The following PRICKLE2 variants were observed in gnomAD, a reference collection of about 807,000 sequenced individuals.
PRICKLE2 encodes prickle planar cell polarity protein 2, also known as prickle-like protein 2.
A neutral mutation model predicts 81.4 loss-of-function variants in PRICKLE2; 21 were observed. The ratio of observed to expected loss-of-function variants is 0.26; its 90% CI spans 0.18 to 0.37. PRICKLE2 has a LOEUF of 0.37. Ranked by LOEUF, PRICKLE2 falls within the 10% of genes least tolerant of loss-of-function variation. PRICKLE2 has a pLI of 1.00. For missense variants in PRICKLE2, 940 were observed against 1,109.0 expected, an observed-to-expected ratio of 0.85 and a Z score of 2.16; for synonymous variants, 456 against 421.5, an observed-to-expected ratio of 1.08 and a Z score of -1.00.
At position 64,146,935 on chromosome 3, in the gene PRICKLE2, G is replaced by A. The variant is rs1262569915; in HGVS notation, c.1555C>T (p.Arg519Trp). Residue 519 changes from arginine to tryptophan, a missense_variant, in exon 7 of 8, where the codon CGG becomes TGG. Physicochemically the swap from Arg to Trp is moderately radical, Grantham distance 101 (BLOSUM62 -3). Around this residue, in one of 2 missense-constraint regions of PRICKLE2, gnomAD observed 670 missense variants for 717.2 expected, o/e 0.93. Transcript: ENST00000638394. The part of the protein sequence containing the change: ...EEGGLSTQQC[R>W]TRHPISSLKY... ...AGGGAACTGATGGGATGACGGGTCC[G>A]ACACTGCTGAGTGGACAAGCCCCCT... 1.9e-6 allele frequency: 3 copies of A among 1,614,108 alleles called. No individual in the cohort carries two copies. The highest frequency in any genetic ancestry group is 2.2e-5 in the East Asian group (1 of 44,874).
chr3:64,153,559 G>T, intron 5 of PRICKLE2, 191 bp from the exon 6 acceptor site: 1 of 587,920 alleles, frequency 1.7e-6, no homozygotes, highest in East Asian at 2.9e-5. Flanking sequence ...TTTACCTAAA[G>T]CATAATTAAA....
intron 2 of PRICKLE2, among the ~76,000 whole-genome samples, chr3:64,182,887 A>T (rs1271984868): frequency 6.6e-6 from 1 of 151,856 alleles, no homozygotes; most frequent in Non-Finnish European, 1.5e-5. Context: ...AGGCTTCATT[A>T]AAAAAAATAG....
At chr3:64,151,984 A>G (rs549194984) in intron 6 of PRICKLE2, among the ~76,000 whole-genome samples, 18 of 152,322 alleles carry the variant, frequency 1.2e-4, no homozygotes, top group African/African-American at 4.1e-4. Flanking sequence ...AGGCCTGAGC[A>G]TGTGGGACAA....
At chr3:64,127,540 T>G (rs891262087) in intron 7 of PRICKLE2, among the ~76,000 whole-genome samples, 1 of 152,126 alleles carries the variant, frequency 6.6e-6, no homozygotes, top group African/African-American at 2.4e-5. Context: ...AAAAGAGGAA[T>G]CTGAGACTCA....
chr3:64,250,912 C>A (rs2079438242), intron 2 of PRICKLE2, among the ~76,000 whole-genome samples: 1 of 152,154 alleles, frequency 6.6e-6, no homozygotes, highest in Non-Finnish European at 1.5e-5. Context: ...GTTCTAAACT[C>A]AATGTGGCCT....
At chr3:64,212,801 TCAAACAAA>T (rs372787128) in intron 1 of PRICKLE2, among the ~76,000 whole-genome samples, 1 of 152,034 alleles carries the variant, frequency 6.6e-6, no homozygotes, top group African/African-American at 2.4e-5. Context: ...GGATACAAAG[TCAAACAAA>T]CAAACAAACA....
At chr3:64,234,325 G>T (rs1431586846) in intron 2 of PRICKLE2, among the ~76,000 whole-genome samples, 3 of 151,972 alleles carry the variant, frequency 2.0e-5, no homozygotes, top group African/African-American at 7.2e-5. Context: ...GCCAAAACTT[G>T]TTACTGTCTT....
chr3:64,152,101 AT>A (rs1028749074), intron 6 of PRICKLE2, among the ~76,000 whole-genome samples: 6 of 152,208 alleles, frequency 3.9e-5, no homozygotes, highest in Non-Finnish European at 7.3e-5. Flanking sequence ...TAATTTTTTT[AT>A]TTGAATACAT....
At chr3:64,202,837 T>C (rs2078612686) in intron 1 of PRICKLE2, among the ~76,000 whole-genome samples, 1 of 152,194 alleles carries the variant, frequency 6.6e-6, no homozygotes, top group Non-Finnish European at 1.5e-5. Flanking sequence ...GACATCTTTG[T>C]TGTGTTCTTG....
intron 7 of PRICKLE2, among the ~76,000 whole-genome samples, chr3:64,133,391 G>A (rs994172454): frequency 6.6e-6 from 1 of 152,262 alleles, no homozygotes. Context: ...CAGATCTGCA[G>A]CCAAGGGCCT....
At chr3:64,207,117 C>G (rs2078701172) in intron 1 of PRICKLE2, among the ~76,000 whole-genome samples, 1 of 152,160 alleles carries the variant, frequency 6.6e-6, no homozygotes, top group African/African-American at 2.4e-5. Context: ...CCAGGCTGGT[C>G]TCGAACTCCT....
At chr3:64,233,138 C>T (rs2079130282) in intron 2 of PRICKLE2, among the ~76,000 whole-genome samples, 5 of 152,184 alleles carry the variant, frequency 3.3e-5, no homozygotes, top group Admixed American at 3.3e-4. Flanking sequence ...GTTAGCTCTA[C>T]TGTCAAAATA....
intron 2 of PRICKLE2, among the ~76,000 whole-genome samples, chr3:64,193,049 G>C (rs1461563127): frequency 1.3e-5 from 2 of 152,162 alleles, no homozygotes; most frequent in Non-Finnish European, 1.5e-5. Flanking sequence ...CTGGAGAGTG[G>C]TGTAGCATCA....
intron 2 of PRICKLE2, chr3:64,182,763 C>A (rs1443418521): frequency 6.6e-6 from 1 of 151,968 alleles, no homozygotes; most frequent in African/African-American, 2.4e-5. Context: ...GGCTAACAGA[C>A]TAAGACAAGG....
intron 1 of PRICKLE2, among the ~76,000 whole-genome samples, chr3:64,202,333 T>A (rs1164867043): frequency 6.6e-6 from 1 of 152,202 alleles, no homozygotes; most frequent in Non-Finnish European, 1.5e-5. Flanking sequence ...GTAGATCAAT[T>A]TATTAATCTG....
At chr3:64,183,832 C>A (rs2078175243) in intron 2 of PRICKLE2, among the ~76,000 whole-genome samples, 2 of 152,280 alleles carry the variant, frequency 1.3e-5, no homozygotes, top group South Asian at 4.2e-4. Context: ...TTTTCTGATC[C>A]ATGACTTTTT....
At chr3:64,253,300 T>C (rs893913859) in intron 2 of PRICKLE2, among the ~76,000 whole-genome samples, 2 of 152,160 alleles carry the variant, frequency 1.3e-5, no homozygotes, top group African/African-American at 4.8e-5. Context: ...CTACATCATA[T>C]AACTGGTAAG....
At chr3:64,257,031 G>A (rs1196925752) in intron 2 of PRICKLE2, among the ~76,000 whole-genome samples, 5 of 152,120 alleles carry the variant, frequency 3.3e-5, no homozygotes, top group Admixed American at 3.3e-4. Flanking sequence ...TTGCCAACCT[G>A]GTGCCAATTA....
intron 2 of PRICKLE2, among the ~76,000 whole-genome samples, chr3:64,248,262 C>T (rs1031682266): frequency 6.6e-6 from 1 of 152,162 alleles, no homozygotes; most frequent in African/African-American, 2.4e-5. Context: ...CTCTTCAATG[C>T]TCCTTATTCA....
Sources: gnomAD v4.1 joint callset for allele counts (sites outside exome capture counted in the v4.1 genomes callset) on GRCh38, gnomAD v4.1.1 for gene constraint, gnomAD v4.1.1 regional missense constraint, MANE v1.5 for transcripts, NCBI Gene and HGNC (gene_info 2026-07-23, HGNC 2026-07-21) for gene names.